The following BTC variants were observed in gnomAD, a reference collection of about 807,000 sequenced individuals.
BTC encodes the protein betacellulin.
In BTC, 13 loss-of-function variants were observed where a neutral mutation model predicts 18.1. That is an observed-to-expected ratio of 0.72 (90% CI 0.47 to 1.14). The LOEUF is 1.14. Among genes scored for constraint, BTC ranks in the 50% most tolerant of loss-of-function variants. The pLI is 0.00. For missense variants in BTC, 247 were observed against 224.2 expected (o/e 1.10, Z -0.65); for synonymous variants, 83 against 79.4 (o/e 1.05, Z -0.24).
At chr4:74,770,988 A>C (rs1426961117) in intron 1 of BTC, among the ~76,000 whole-genome samples, 2 of 151,794 alleles carry the variant, frequency 1.3e-5, no homozygotes, top group Non-Finnish European at 2.9e-5. Flanking sequence ...GGTTTGCTTT[A>C]AAATAATCCA....
At chr4:74,765,470 A>G (rs1225520427) in intron 2 of BTC, among the ~76,000 whole-genome samples, 1 of 152,130 alleles carries the variant, frequency 6.6e-6, no homozygotes, top group Non-Finnish European at 1.5e-5. Context: ...TTAGCAAGTG[A>G]AAAAGCTTAA....
chr4:74,782,292 T>G (rs1369608509), intron 1 of BTC, among the ~76,000 whole-genome samples: 3 of 152,198 alleles, frequency 2.0e-5, no homozygotes, highest in African/African-American at 7.2e-5. Flanking sequence ...TGTGTGTTGT[T>G]ACCCACTATG....
chr4:74,769,839 C>G (rs1724993218), intron 2 of BTC, among the ~76,000 whole-genome samples: 1 of 151,992 alleles, frequency 6.6e-6, no homozygotes, highest in Non-Finnish European at 1.5e-5. Context: ...TGACCTTTGG[C>G]AAGTTACTTA....
At chr4:74,751,832 G>A (rs1322179956) in intron 3 of BTC, among the ~76,000 whole-genome samples, 1 of 152,060 alleles carries the variant, frequency 6.6e-6, no homozygotes, top group Non-Finnish European at 1.5e-5. Context: ...TAATATTAGG[G>A]AAATAGTAAT....
rs1465029540 is a variant in BTC, at chr4:74,770,169, A to G, written c.65-13T>C. The G allele has an allele frequency of 1.3e-6, 2 of 1,585,066 alleles. No individual in the cohort carries two copies. The highest frequency in any genetic ancestry group is 2.3e-5 in the South Asian group (2 of 86,614). On this transcript the variant is annotated splice_polypyrimidine_tract_variant and intron_variant, in intron 1 of 5. Transcript: ENST00000395743. Reference sequence around the variant, plus strand: ...AGGATCACTAGACCTTCAAATTCAAAACAGAACCAAAATCAAACATGAAAA... The same window carrying G: ...AGGATCACTAGACCTTCAAATTCAAGACAGAACCAAAATCAAACATGAAAA...
intron 1 of BTC, among the ~76,000 whole-genome samples, chr4:74,790,547 C>T (rs1173099563): frequency 1.3e-5 from 2 of 152,140 alleles, no homozygotes; most frequent in East Asian, 1.9e-4. Flanking sequence ...TCAGTAATTG[C>T]CATGTGGGTT....
At chr4:74,747,650 T>C (rs1405444015) in intron 5 of BTC, among the ~76,000 whole-genome samples, 6 of 152,234 alleles carry the variant, frequency 3.9e-5, no homozygotes, top group African/African-American at 1.4e-4. Context: ...TTACTGATGC[T>C]ACATTTAAAG....
At chr4:74,752,449 GTTCACTGCA>G (rs1553956287) in intron 3 of BTC, among the ~76,000 whole-genome samples, 1 of 150,690 alleles carries the variant, frequency 6.6e-6, no homozygotes, top group Non-Finnish European at 1.5e-5. Flanking sequence ...CGCAATTTCG[GTTCACTGCA>G]ACCTCCGTCT....
intron 1 of BTC, among the ~76,000 whole-genome samples, chr4:74,780,284 T>C (rs920814686): frequency 6.6e-6 from 1 of 152,218 alleles, no homozygotes; most frequent in Non-Finnish European, 1.5e-5. Context: ...ATTAAGAATC[T>C]GACTAGTATA....
At chr4:74,749,127 G>A (rs1294148930) in intron 4 of BTC, among the ~76,000 whole-genome samples, 2 of 151,998 alleles carry the variant, frequency 1.3e-5, no homozygotes, top group African/African-American at 4.8e-5. Context: ...TGGAGGAACC[G>A]AGACAAAAAT....
rs1311322708 is a variant in BTC at position 74,746,493 on chromosome 4, A to G, written c.*184T>C. The G allele has an allele frequency of 6.6e-6, 1 of 152,612 alleles. No individual in the cohort carries two copies. Among genetic ancestry groups the G allele is most frequent in the East Asian group, 1.9e-4 (1 of 5,202 alleles). 9.5% of individuals were successfully genotyped at this position (152,612 alleles called of 1,614,324 possible). ...TTGCTTTTTTCCCAATTACTAGACA[A>G]TATACATATAATTAATGTTCTTATT... On this transcript the variant is annotated 3_prime_UTR_variant, in exon 6 of 6. Coordinates refer to ENST00000395743, the MANE Select transcript of BTC (RefSeq NM_001729.4).
chr4:74,774,505 C>G (rs1725126094), intron 1 of BTC, among the ~76,000 whole-genome samples: 1 of 151,462 alleles, frequency 6.6e-6, no homozygotes, highest in Non-Finnish European at 1.5e-5. Flanking sequence ...CCTTTTAGTA[C>G]TATCTGATTT....
chr4:74,770,119 A>C lies in BTC; in HGVS notation c.102T>G (p.Asn34Lys). ...CATTAGTTTCAGGACTTCTGGTGGA[A>C]TTCCCATCTGCCACCACACAGTGAA... ...VILHCVVADGNSTRSPETNGL... is the reference protein window; with the variant it reads ...VILHCVVADGKSTRSPETNGL... Residue 34 changes from asparagine (N) to lysine (K), a missense_variant, in exon 2 of 6, where the codon AAT becomes AAG. By Grantham distance (94) the Asn-to-Lys change is moderately conservative (BLOSUM62 0). Coordinates refer to ENST00000395743, the MANE Select transcript of BTC (RefSeq NM_001729.4). The C allele has an allele frequency of 6.2e-7, 1 of 1,613,336 alleles. No homozygotes were observed. The highest frequency in any genetic ancestry group is 8.5e-7 in the Non-Finnish European group (1 of 1,179,568).
intron 2 of BTC, among the ~76,000 whole-genome samples, chr4:74,756,453 T>G (rs1156947831): frequency 6.6e-6 from 1 of 152,230 alleles, no homozygotes; most frequent in Non-Finnish European, 1.5e-5. Context: ...AATAGCCTTG[T>G]GAGGTAAGAA....
At chr4:74,762,752 CA>C (rs1381204727) in intron 2 of BTC, among the ~76,000 whole-genome samples, 1 of 152,126 alleles carries the variant, frequency 6.6e-6, no homozygotes, top group African/African-American at 2.4e-5. Context: ...TTATATTTAG[CA>C]TAGTCTACCT....
At chr4:74,755,741 C>T in intron 3 of BTC, 118 bp downstream of exon 3, 5 of 934,002 alleles carry the variant, frequency 5.4e-6, no homozygotes, top group Non-Finnish European at 6.6e-6. Flanking sequence ...GGGGCAGGAC[C>T]AGGCAGAACT....
At position 74,745,941 on chromosome 4, in the gene BTC, T is replaced by C. The variant is rs782311999; in HGVS notation, c.*736A>G. The C allele has an allele frequency of 1.3e-5, 2 of 152,208 alleles. No homozygotes were observed. The highest frequency in any genetic ancestry group is 6.5e-5 in the Admixed American group (1 of 15,286). 9.4% of individuals were successfully genotyped at this position (152,208 alleles called of 1,614,324 possible). A position where few individuals can be genotyped will look rare whatever the true frequency, so the allele number is the denominator to read the frequency against. ...AAAGAAACATAATAAAAGCCAATTC[T>C]ATAGAAAGCATGATGGTAACAGCAA... is the stretch of plus-strand genomic sequence containing the variant. On this transcript the variant is annotated 3_prime_UTR_variant, in exon 6 of 6. Coordinates refer to ENST00000395743, the MANE Select transcript of BTC (RefSeq NM_001729.4).
chr4:74,763,520 A>G (rs1276272705), intron 2 of BTC, among the ~76,000 whole-genome samples: 17 of 152,002 alleles, frequency 1.1e-4, no homozygotes, highest in African/African-American at 3.9e-4. Context: ...TATTATTTGT[A>G]AACAATACAT....
chr4:74,747,602 T>A (rs1724325812), intron 5 of BTC, among the ~76,000 whole-genome samples: 1 of 152,208 alleles, frequency 6.6e-6, no homozygotes, highest in Non-Finnish European at 1.5e-5. Context: ...ATCTCTCTAT[T>A]GGATCATCTG....
Sources: gnomAD v4.1 joint callset for allele counts (sites outside exome capture counted in the v4.1 genomes callset) on GRCh38, gnomAD v4.1.1 for gene constraint, MANE v1.5 for transcripts, NCBI Gene and HGNC (gene_info 2026-07-23, HGNC 2026-07-21) for gene names.